FREM2: variants seen among roughly 807,000 people sequenced by gnomAD.
FREM2 encodes the protein FRAS1-related extracellular matrix protein 2.
In FREM2, 119 loss-of-function variants were observed where a neutral mutation model predicts 219.9. The ratio of observed to expected loss-of-function variants is 0.54; its 90% CI spans 0.47 to 0.63. The LOEUF is 0.63. FREM2 is among the 30% of genes least tolerant of loss of function. FREM2 has a pLI of 0.00. For missense variants in FREM2, 4,030 were observed against 3,993.6 expected (o/e 1.01, Z -0.25); for synonymous variants, 1,562 against 1,522.8 (o/e 1.03, Z -0.60).
intron 2 of FREM2, among the ~76,000 whole-genome samples, chr13:38,700,017 T>C (rs993572250): frequency 2.0e-5 from 3 of 152,116 alleles, no homozygotes; most frequent in Non-Finnish European, 4.4e-5. Context: ...TTGAGAACTC[T>C]GTATGTCCAG....
intron 2 of FREM2, among the ~76,000 whole-genome samples, chr13:38,725,633 A>G (rs1871486897): frequency 6.6e-6 from 1 of 152,182 alleles, no homozygotes; most frequent in East Asian, 1.9e-4. Context: ...AGTAACCTAG[A>G]GAGAAAGTGG....
At chr13:38,813,563 C>CTATATATA (rs71074484) in intron 6 of FREM2, among the ~76,000 whole-genome samples, 259 of 5,060 alleles carry the variant, frequency 0.051, 16 homozygotes, top group Non-Finnish European at 0.085. Context: ...CTCTCTCTCT[C>CTATATATA]TATATATATA....
chr13:38,763,263 A>G (rs1263700490), intron 2 of FREM2, among the ~76,000 whole-genome samples: 1 of 152,116 alleles, frequency 6.6e-6, no homozygotes, highest in Non-Finnish European at 1.5e-5. Context: ...AAGTTGCTGC[A>G]GTTTTTATTT....
In FREM2 at chr13:38,845,885, T is replaced by G. The variant is rs141558614; in HGVS notation, c.6020-688T>G. On this transcript the variant is annotated intron_variant, in intron 6 of 23. Transcript: ENST00000280481. Reference sequence around the variant, plus strand: ...CCCCAAAGCATGTGCCCTAGTTTAGTGACTGAATTTGCCTCATTTTCATGT... The same window carrying G: ...CCCCAAAGCATGTGCCCTAGTTTAGGGACTGAATTTGCCTCATTTTCATGT... 2.3e-3 allele frequency among the ~76,000 whole-genome samples: 351 copies of G among 152,260 alleles called. 1 individual carries two copies. The highest frequency in any genetic ancestry group is 8.2e-3 in the African/African-American group (340 of 41,550).
chr13:38,706,268 T>A (rs372809149), intron 2 of FREM2, among the ~76,000 whole-genome samples: 1 of 152,184 alleles, frequency 6.6e-6, no homozygotes, highest in African/African-American at 2.4e-5. Flanking sequence ...TGATTGCAAA[T>A]CTCTAATACA....
chr13:38,860,562 T>C (rs1877724577), intron 14 of FREM2, among the ~76,000 whole-genome samples: 1 of 152,236 alleles, frequency 6.6e-6, no homozygotes, highest in Admixed American at 6.5e-5. Flanking sequence ...CTTAAAATGA[T>C]TCTCTCTTTT....
At chr13:38,878,092 T>C (rs1878406684) in intron 21 of FREM2, 42 bp from the exon 22 acceptor site, 8 of 1,514,902 alleles carry the variant, frequency 5.3e-6, no homozygotes, top group Non-Finnish European at 7.3e-6. Flanking sequence ...TTGATATACC[T>C]TATCATATAA....
chr13:38,868,310 C>T (rs1461891927), intron 16 of FREM2, among the ~76,000 whole-genome samples: 1 of 152,146 alleles, frequency 6.6e-6, no homozygotes, highest in Non-Finnish European at 1.5e-5. Context: ...GTTGTAATAG[C>T]TTACATTTAT....
At position 38,850,152 on chromosome 13, in the gene FREM2, A is replaced by G. The variant is rs1191611891; in HGVS notation, c.6494A>G (p.Tyr2165Cys). ...DVQYRSSVRC[Y>C]TRQGSAQVMM... ...CAGTACAGATCTTCAGTGAGATGCT[A>G]CACCCGGCAGGGGTCTGCACAGGTG... Residue 2165 changes from tyrosine (Y) to cysteine (C), a missense_variant, in exon 9 of 24, where the codon TAC becomes TGC. Physicochemically the swap from Tyr to Cys is radical, Grantham distance 194 (BLOSUM62 -2). Transcript: ENST00000280481. 2 of 1,613,936 alleles carry G rather than the reference A, an allele frequency of 1.2e-6. No individual in the cohort carries two copies. The highest frequency in any genetic ancestry group is 1.7e-5 in the Admixed American group (1 of 60,006).
At chr13:38,715,040 C>T (rs778069425) in intron 2 of FREM2, among the ~76,000 whole-genome samples, 27 of 151,856 alleles carry the variant, frequency 1.8e-4, no homozygotes, top group Non-Finnish European at 3.4e-4. Context: ...TACAGTGAGC[C>T]GAGATCGTGC....
intron 12 of FREM2, among the ~76,000 whole-genome samples, chr13:38,857,408 A>G (rs1054449917): frequency 6.6e-6 from 1 of 151,988 alleles, no homozygotes; most frequent in African/African-American, 2.4e-5. Flanking sequence ...GGCTGCTTCA[A>G]AGAGTTTCTT....
chr13:38,855,344 C>CAT (rs2137915828), intron 11 of FREM2, among the ~76,000 whole-genome samples: 1 of 152,296 alleles, frequency 6.6e-6, no homozygotes, highest in East Asian at 1.9e-4. Flanking sequence ...AGCTCTTCTA[C>CAT]ATATGTACAT....
At chr13:38,708,253 T>C (rs1870618847) in intron 2 of FREM2, among the ~76,000 whole-genome samples, 1 of 152,212 alleles carries the variant, frequency 6.6e-6, no homozygotes, top group South Asian at 2.1e-4. Flanking sequence ...ATTTATTGAG[T>C]GAAGGAAAAT....
intron 6 of FREM2, among the ~76,000 whole-genome samples, chr13:38,795,854 C>G (rs1019411750): frequency 3.3e-5 from 5 of 152,164 alleles, no homozygotes; most frequent in African/African-American, 4.8e-5. Context: ...ATCTGTCTTT[C>G]CATGCCTGGC....
intron 6 of FREM2, among the ~76,000 whole-genome samples, chr13:38,840,828 T>G (rs1189831249): frequency 6.6e-6 from 1 of 152,050 alleles, no homozygotes; most frequent in East Asian, 1.9e-4. Flanking sequence ...TGGGCTTGTT[T>G]CCAATTGCAC....
intron 2 of FREM2, among the ~76,000 whole-genome samples, chr13:38,747,458 G>A (rs1872533163): frequency 6.7e-6 from 1 of 148,484 alleles, no homozygotes; most frequent in African/African-American, 2.5e-5. Flanking sequence ...TCTCCAGAGT[G>A]CCTGGTGAGT....
intron 12 of FREM2, among the ~76,000 whole-genome samples, 182 bp from the exon 13 acceptor site, chr13:38,857,693 G>T (rs971579449): frequency 6.6e-6 from 1 of 152,178 alleles, no homozygotes; most frequent in African/African-American, 2.4e-5. Flanking sequence ...ATGTGAACAA[G>T]GTGCCAAGGT....
In FREM2 at chr13:38,687,894, C is replaced by T. The variant is rs746548251; in HGVS notation, c.550C>T (p.Arg184Trp). 2.5e-6 allele frequency: 4 copies of T among 1,586,132 alleles called. No homozygotes were observed. The East Asian group carries it at 6.9e-5, about 27-fold the overall frequency. Reference sequence around the variant, plus strand: ...CTTCACCCAGCTGGAGGTTGTGACTCGGAACTTGCCTCTGGTCGTGGAAGA... The same window carrying T: ...CTTCACCCAGCTGGAGGTTGTGACTTGGAACTTGCCTCTGGTCGTGGAAGA... ...VVFTQLEVVT[R>W]NLPLVVEELL... Residue 184 changes from arginine to tryptophan, a missense_variant, in exon 1 of 24, where the codon CGG (arginine) becomes TGG (tryptophan). Transcript: ENST00000280481.
intron 2 of FREM2, among the ~76,000 whole-genome samples, chr13:38,715,376 A>G (rs1870956615): frequency 6.6e-6 from 1 of 152,202 alleles, no homozygotes; most frequent in Admixed American, 6.5e-5. Flanking sequence ...CCATTCCCAA[A>G]TAAACGAAAA....
Sources: allele counts gnomAD v4.1 joint callset (sites outside exome capture counted in the v4.1 genomes callset), GRCh38; gene constraint gnomAD v4.1.1; transcripts MANE v1.5; gene names NCBI Gene and HGNC (gene_info 2026-07-23, HGNC 2026-07-21).